Variants in GFI1B observed in about 807,000 individuals in gnomAD.
GFI1B encodes zinc finger protein Gfi-1b.
GFI1B carries 20 observed loss-of-function variants against 35.3 expected under a neutral mutation model. The observed-to-expected ratio is 0.57, with a 90% CI of 0.40 to 0.82. The LOEUF (loss-of-function observed/expected upper bound fraction) is 0.82, where lower values mean the gene tolerates loss of function less well. GFI1B is among the 40% of genes least tolerant of loss of function. The probability of loss-of-function intolerance (pLI) is 0.00; values close to 1 mark genes in which losing one functional copy is unlikely to be tolerated. For synonymous variants in GFI1B, 178 were observed against 177.6 expected, an observed-to-expected ratio of 1.00 and a Z score of -0.02; for missense variants, 430 against 446.3, an observed-to-expected ratio of 0.96 and a Z score of 0.33.
rs376231933 is a variant in GFI1B, at chr9:132,989,206, C to A, written c.648+8C>A. The A allele has an allele frequency of 2.5e-6, 4 of 1,610,956 alleles. No individual in the cohort carries two copies. The highest frequency in any genetic ancestry group is 3.4e-6 in the Non-Finnish European group (4 of 1,178,900). ...ACGCACGTCCACTCCCAGGTGGGCA[C>A]CTGGCCCAGCGCAGGACTCCCAGCC... On this transcript the variant is annotated splice_region_variant and intron_variant, in intron 5 of 6. Transcript: ENST00000372122. The surrounding 1 kb of genome is among the most constrained non-coding windows in gnomAD (Gnocchi z 6.2).
intron 1 of GFI1B, among the ~76,000 whole-genome samples, chr9:132,983,463 G>C (rs1435487708): frequency 2.0e-5 from 3 of 152,028 alleles, no homozygotes; most frequent in African/African-American, 7.2e-5. Flanking sequence ...CCAAAATGTT[G>C]GGATTACAGG....
chr9:132,988,943 C>T lies in GFI1B; in HGVS notation c.511-118C>T, dbSNP rs1484861392. On this transcript the variant is annotated intron_variant, in intron 4 of 6. Coordinates refer to ENST00000372122, the MANE Select transcript of GFI1B (RefSeq NM_001377304.1). ...AAGCAGCAGAACTGGCAATCCAGTG[C>T]CCCTTACTCTGTGTACCCAGCCTTG... is the stretch of plus-strand genomic sequence containing the variant. 3 of 953,926 alleles carry T rather than the reference C, an allele frequency of 3.1e-6. No individual in the cohort carries two copies. In the Admixed American group the frequency reaches 5.5e-5, roughly 18 times the overall value. 59.1% of individuals were successfully genotyped at this position (953,926 alleles called of 1,614,324 possible).
chr9:132,962,797 G>A lies in GFI1B; in HGVS notation c.-700-9928G>A, dbSNP rs188698821. On this transcript the variant is annotated intron_variant, in intron 1 of 10. Coordinates refer to the GFI1B transcript ENST00000339463. ...ATTAGGAATACATTTTTGACAAGGC[G>A]CAATGGCTCACGCCTGTAATCCCAC... 3.8e-4 allele frequency: 99 copies of A among 260,880 alleles called. 1 individual carries two copies. In the East Asian group the frequency reaches 4.3e-3, roughly 11 times the overall value. 16.2% of individuals were successfully genotyped at this position (260,880 alleles called of 1,614,324 possible).
Position 132,991,426 on chromosome 9 carries a change from T to G in GFI1B, c.*376T>G, listed in dbSNP as rs1421502217. ...TCCACCTGCCTGCTGCCCACTGAGC[T>G]GGGACCTGGTCACCTTGGATTTTAG... On this transcript the variant is annotated 3_prime_UTR_variant, in exon 7 of 7. Coordinates refer to ENST00000372122, the MANE Select transcript of GFI1B (RefSeq NM_001377304.1). The G allele has an allele frequency of 3.8e-6, 1 of 265,426 alleles. No individual in the cohort carries two copies. Among genetic ancestry groups the G allele is most frequent in the African/African-American group, 2.2e-5 (1 of 45,136 alleles). The allele number at this position is 265,426 out of a possible 1,614,324, so 16.4% of individuals were successfully genotyped here.
chr9:132,971,323 G>A (rs1476776176), intron 1 of GFI1B, among the ~76,000 whole-genome samples: 2 of 152,106 alleles, frequency 1.3e-5, no homozygotes, highest in Non-Finnish European at 2.9e-5. Flanking sequence ...TCCCACCCAA[G>A]TTCCCTGTGT....
chr9:132,956,886 C>G lies in GFI1B; in HGVS notation c.-701+11217C>G, dbSNP rs757740247. Among the ~76,000 whole-genome samples the G allele has an allele frequency of 5.3e-5, 8 of 152,302 alleles. No individual in the cohort carries two copies. In the East Asian group the frequency reaches 1.3e-3, roughly 26 times the overall value. On this transcript the variant is annotated intron_variant, in intron 1 of 10. Transcript: ENST00000339463. ...CCCAAGGCTTGACAGGGGAAGGATG[C>G]ACTCCTAAGCTCACACACAGTTGTT...
intron 2 of GFI1B, among the ~76,000 whole-genome samples, chr9:132,987,029 G>C (rs1054734862): frequency 6.6e-6 from 1 of 152,222 alleles, no homozygotes; most frequent in Admixed American, 6.5e-5. Context: ...GGCCTCACTG[G>C]AGGCCCAGTC....
chr9:132,973,629 G>A lies in GFI1B; in HGVS notation c.-679+883G>A, dbSNP rs1429096181. On this transcript the variant is annotated intron_variant, in intron 2 of 10. Transcript: ENST00000339463. ...GCGTCTGGGAGGGCTTCCTGGAGGC[G>A]TTGAGAGCTGGATTGAGCTGTGAAG... 3.3e-5 allele frequency among the ~76,000 whole-genome samples: 5 copies of A among 152,196 alleles called. No individual in the cohort carries two copies. In the East Asian group the frequency reaches 5.8e-4, roughly 18 times the overall value.
chr9:132,988,042 C>T (rs1325306321), intron 3 of GFI1B, among the ~76,000 whole-genome samples, 155 bp from the exon 4 acceptor site: 2 of 152,120 alleles, frequency 1.3e-5, no homozygotes, highest in Non-Finnish European at 2.9e-5. Flanking sequence ...GACAGAGTTT[C>T]ACCACGTTGG....
rs1849109593 is a variant in GFI1B, at chr9:132,987,355, C to A, written c.174C>A (p.Thr58=). The change falls in exon 3 of 7, where the codon ACC becomes ACA. Residue 58 remains threonine, a synonymous_variant. Transcript: ENST00000372122. Reference sequence around the variant, plus strand: ...TCCCAAACCAGTGCCTGGACTGGACCAACCTCAAACGAGAGCCGGAGCTGG... The same window carrying A: ...TCCCAAACCAGTGCCTGGACTGGACAAACCTCAAACGAGAGCCGGAGCTGG... The part of the protein sequence containing the change: ...TLFPNQCLDW[T]NLKREPELEQ... The A allele has an allele frequency of 6.2e-7, 1 of 1,614,222 alleles. No individual in the cohort carries two copies. Among genetic ancestry groups the A allele is most frequent in the Non-Finnish European group, 8.5e-7 (1 of 1,180,012 alleles).
intron 1 of GFI1B, among the ~76,000 whole-genome samples, chr9:132,962,886 C>A (rs373573202): frequency 8.4e-5 from 12 of 143,188 alleles, no homozygotes; most frequent in African/African-American, 3.2e-4. Context: ...GCCTAGCCAA[C>A]GTGGTGAAAA....
At chr9:132,990,840 GC>G in intron 6 of GFI1B, 31 bp from the exon 7 acceptor site, 1 of 1,611,258 alleles carries the variant, frequency 6.2e-7, no homozygotes, top group South Asian at 1.1e-5. Context: ...CCCTGACCCC[GC>G]CCTTGCTGTG....
downstream of GFI1B, among the ~76,000 whole-genome samples, chr9:132,992,558 A>C (rs1319256517): frequency 6.6e-6 from 1 of 152,122 alleles, no homozygotes; most frequent in African/African-American, 2.4e-5. Context: ...AAAGTGGCAT[A>C]CAGGTCCAGC....
intron 1 of GFI1B, among the ~76,000 whole-genome samples, chr9:132,964,472 T>A (rs62578218): frequency 0.86 from 131,258 of 151,924 alleles, 56,911 homozygotes; most frequent in African/African-American, 0.92. Flanking sequence ...TCTGAATCAA[T>A]TTTCAGCCAC....
intron 1 of GFI1B, among the ~76,000 whole-genome samples, chr9:132,970,462 G>A (rs1001847555): frequency 6.6e-6 from 1 of 152,148 alleles, no homozygotes. Context: ...CGCACACAGA[G>A]AGAGAGCTTG....
intron 1 of GFI1B, among the ~76,000 whole-genome samples, chr9:132,948,197 A>T (rs1386584773): frequency 2.0e-4 from 8 of 40,340 alleles, no homozygotes; most frequent in Non-Finnish European, 4.7e-4. Context: ...ATGGGTGTTT[A>T]AAAAAAAAAA....
At position 132,989,922 on chromosome 9, in the gene GFI1B, C is replaced by A; in HGVS notation, c.814+15C>A. 6.2e-7 allele frequency: 1 copy of A among 1,612,092 alleles called. No individual in the cohort carries two copies. The highest frequency in any genetic ancestry group is 8.5e-7 in the Non-Finnish European group (1 of 1,178,138). ...CATCCACACAGGTGAGTGAGTCTCA[C>A]CTGCCTGTGCCCCCTGGGCAGAGCA... On this transcript the variant is annotated intron_variant, in intron 6 of 6. Transcript: ENST00000372122. The surrounding 1 kb of genome is among the most constrained non-coding windows in gnomAD (Gnocchi z 6.2).
chr9:132,949,988 T>C (rs1848176465), intron 1 of GFI1B, among the ~76,000 whole-genome samples: 1 of 152,124 alleles, frequency 6.6e-6, no homozygotes, highest in Non-Finnish European at 1.5e-5. Flanking sequence ...GGCATGCAGC[T>C]GAAGTACTAG....
chr9:132,983,279 C>A (rs556433112), intron 1 of GFI1B, among the ~76,000 whole-genome samples: 1 of 143,614 alleles, frequency 7.0e-6, no homozygotes, highest in African/African-American at 2.6e-5. Context: ...TCACTGCAAC[C>A]TCCGCCTCCC....
Sources: gnomAD v4.1 joint callset for allele counts (sites outside exome capture counted in the v4.1 genomes callset) on GRCh38, gnomAD v4.1.1 for gene constraint, Gnocchi (gnomAD v3.1) non-coding constraint, MANE v1.5 for transcripts, NCBI Gene and HGNC (gene_info 2026-07-23, HGNC 2026-07-21) for gene names.